Variants in UTRN observed in about 807,000 individuals in gnomAD.
UTRN encodes dystrophin-related protein 1.
A neutral mutation model predicts 463.9 loss-of-function variants in UTRN; 283 were observed. The ratio of observed to expected loss-of-function variants is 0.61; its 90% CI spans 0.55 to 0.67. The LOEUF (loss-of-function observed/expected upper bound fraction) is 0.67, where lower values mean the gene tolerates loss of function less well. Ranked by LOEUF, UTRN falls within the 30% of genes least tolerant of loss-of-function variation. The pLI, the probability that UTRN is intolerant of heterozygous loss-of-function variation, is 0.00. For missense variants in UTRN, 3,922 were observed against 4,084.3 expected (o/e 0.96, Z 1.08); for synonymous variants, 1,442 against 1,431.5 (o/e 1.01, Z -0.17).
chr6:144,347,095 C>T (rs572783121), intron 2 of UTRN, among the ~76,000 whole-genome samples: 25 of 152,316 alleles, frequency 1.6e-4, no homozygotes, highest in Middle Eastern at 3.4e-3. Flanking sequence ...TGGAAATTGC[C>T]ACTGCTCAGG....
intron 2 of UTRN, among the ~76,000 whole-genome samples, chr6:144,367,360 A>G (rs988936152): frequency 2.0e-5 from 3 of 151,916 alleles, no homozygotes; most frequent in Non-Finnish European, 4.4e-5. Context: ...TCCTTCCAAG[A>G]TAATTATACA....
intron 51 of UTRN, among the ~76,000 whole-genome samples, chr6:144,609,880 A>G (rs1326677977): frequency 6.6e-6 from 1 of 152,192 alleles, no homozygotes; most frequent in African/African-American, 2.4e-5. Flanking sequence ...CCTTCAGACA[A>G]AGAAAAATGG....
intron 54 of UTRN, among the ~76,000 whole-genome samples, chr6:144,740,495 C>G (rs1008266315): frequency 6.6e-6 from 1 of 152,052 alleles, no homozygotes; most frequent in Non-Finnish European, 1.5e-5. Context: ...GCTTTCAGGC[C>G]TATAGACCAC....
chr6:144,811,304 A>G (rs1194356037), intron 65 of UTRN, among the ~76,000 whole-genome samples: 1 of 152,124 alleles, frequency 6.6e-6, no homozygotes, highest in Non-Finnish European at 1.5e-5. Flanking sequence ...GGAAAGCTCT[A>G]CCTTGAGTTA....
At chr6:144,821,620 A>C (rs1779615237) in intron 66 of UTRN, among the ~76,000 whole-genome samples, 1 of 152,086 alleles carries the variant, frequency 6.6e-6, no homozygotes, top group Admixed American at 6.6e-5. Context: ...CATACATGAA[A>C]GTTTCAAGAT....
chr6:144,557,501 T>A (rs1002032398), intron 50 of UTRN, among the ~76,000 whole-genome samples, 190 bp downstream of exon 50: 3 of 152,178 alleles, frequency 2.0e-5, no homozygotes, highest in African/African-American at 7.2e-5. Flanking sequence ...TACAATATGT[T>A]TTTGAATTTT....
chr6:144,756,880 C>T (rs1316428414), intron 57 of UTRN, among the ~76,000 whole-genome samples: 1 of 152,100 alleles, frequency 6.6e-6, no homozygotes, highest in African/African-American at 2.4e-5. Context: ...TTTATCTCTA[C>T]ACATTTAGTT....
intron 50 of UTRN, 63 bp downstream of exon 50, chr6:144,557,374 T>C: frequency 6.5e-7 from 1 of 1,537,506 alleles, no homozygotes; most frequent in Admixed American, 2.0e-5. Context: ...TGGCTTTGGC[T>C]TTCTCGTGGA....
chr6:144,789,257 T>A lies in UTRN; in HGVS notation c.8898T>A (p.Gly2966=). 6.2e-7 allele frequency: 1 copy of A among 1,613,072 alleles called. No individual in the cohort carries two copies. Among genetic ancestry groups the A allele is most frequent in the Non-Finnish European group, 8.5e-7 (1 of 1,179,540 alleles). The change falls in exon 62 of 75, where the codon GGT becomes GGA. Residue 2966 remains glycine (G), a synonymous_variant. Coordinates refer to ENST00000367545, the MANE Select transcript of UTRN (RefSeq NM_007124.3). ...LKIGLMSLSK[G]LLEEKYRYLF... ...TTGGATTAATGTCTCTCTCCAAAGG[T>A]CTCTTGGAAGAAAAATACAGATGTA...
chr6:144,401,144 A>G (rs1782904246), intron 2 of UTRN, among the ~76,000 whole-genome samples: 1 of 152,184 alleles, frequency 6.6e-6, no homozygotes, highest in Non-Finnish European at 1.5e-5. Flanking sequence ...AAGTTGTGTG[A>G]ATGTTATCAA....
chr6:144,660,806 G>A (rs549820340), intron 51 of UTRN, among the ~76,000 whole-genome samples: 10 of 152,140 alleles, frequency 6.6e-5, no homozygotes, highest in South Asian at 4.1e-4. Flanking sequence ...TTATCTGAGC[G>A]TGTCTGTTTT....
chr6:144,408,636 A>G (rs1783624223), intron 3 of UTRN, among the ~76,000 whole-genome samples: 1 of 152,260 alleles, frequency 6.6e-6, no homozygotes, highest in South Asian at 2.1e-4. Flanking sequence ...ATTCAAATTG[A>G]CAGAACGTAA....
Position 144,533,163 on chromosome 6 carries a change from C to A in UTRN, c.6136C>A (p.Leu2046Ile). Reference protein sequence around the residue: ...NRTGDGIVQKLSQADGSFLKE... With the variant: ...NRTGDGIVQKISQADGSFLKE... ...AACTGGGGATGGGATTGTGCAGAAACTCTCCCAGGCAGATGGAAGCTTCTT... is the reference window on the plus strand; with the variant it reads ...AACTGGGGATGGGATTGTGCAGAAAATCTCCCAGGCAGATGGAAGCTTCTT... The change falls in exon 43 of 75, where the codon CTC becomes ATC. Residue 2046 changes from leucine (L) to isoleucine (I), a missense_variant. Physicochemically the swap from Leu to Ile is conservative, Grantham distance 5 (BLOSUM62 2). Around this residue, in one of 3 missense-constraint regions of UTRN, gnomAD observed 2,349 missense variants for 2,303.8 expected, o/e 1.02. Coordinates refer to ENST00000367545, the MANE Select transcript of UTRN (RefSeq NM_007124.3). The A allele has an allele frequency of 6.2e-7, 1 of 1,614,158 alleles. No homozygotes were observed. Among genetic ancestry groups the A allele is most frequent in the Middle Eastern group, 1.7e-4 (1 of 6,060 alleles).
At position 144,330,788 on chromosome 6, in the gene UTRN, G is replaced by T. The variant is rs1348036425; in HGVS notation, c.79+38881G>T. On this transcript the variant is annotated intron_variant, in intron 2 of 74. Coordinates refer to ENST00000367545, the MANE Select transcript of UTRN (RefSeq NM_007124.3). The stretch of plus-strand genomic sequence containing the variant: ...GAATGTGACCATTCTGGTCCGGGCA[G>T]TTGGGGAGGAACTCATCTATCCACG... The T allele has an allele frequency of 3.1e-6, 3 of 982,988 alleles. No homozygotes were observed. In the East Asian group the frequency reaches 3.4e-4, roughly 112 times the overall value. The allele number at this position is 982,988 out of a possible 1,614,324, so 60.9% of individuals were successfully genotyped here.
chr6:144,350,068 A>G (rs945729737), intron 2 of UTRN, among the ~76,000 whole-genome samples: 4 of 152,192 alleles, frequency 2.6e-5, no homozygotes, highest in African/African-American at 9.7e-5. Context: ...AACACAGGCC[A>G]AACTTTCTGT....
At chr6:144,573,144 G>C (rs1340520219) in intron 50 of UTRN, among the ~76,000 whole-genome samples, 1 of 152,042 alleles carries the variant, frequency 6.6e-6, no homozygotes. Flanking sequence ...TCATCTGTTT[G>C]TTGGCCGCAT....
At chr6:144,382,869 C>G (rs1265953346) in intron 2 of UTRN, among the ~76,000 whole-genome samples, 3 of 152,154 alleles carry the variant, frequency 2.0e-5, no homozygotes, top group African/African-American at 7.2e-5. Context: ...TCTCCCTATT[C>G]CAGTCATCTG....
intron 61 of UTRN, among the ~76,000 whole-genome samples, chr6:144,786,988 A>G (rs543884181): frequency 1.5e-3 from 229 of 152,254 alleles, no homozygotes; most frequent in Non-Finnish European, 2.6e-3. Context: ...GGTGTGATGA[A>G]TGGGTGATTG....
At chr6:144,383,989 CA>C (rs1187555439) in intron 2 of UTRN, among the ~76,000 whole-genome samples, 2 of 151,924 alleles carry the variant, frequency 1.3e-5, no homozygotes, top group East Asian at 3.9e-4. Flanking sequence ...CTCTTTTCTT[CA>C]AAAAAATAAC....
Sources: allele counts gnomAD v4.1 joint callset (sites outside exome capture counted in the v4.1 genomes callset), GRCh38; gene constraint gnomAD v4.1.1; regional missense constraint gnomAD v4.1.1; transcripts MANE v1.5; gene names NCBI Gene and HGNC (gene_info 2026-07-23, HGNC 2026-07-21).